The following SHROOM4 variants were observed in gnomAD, a reference collection of about 807,000 sequenced individuals.
The protein encoded by SHROOM4 is protein Shroom4.
Under a neutral mutation model 80.3 loss-of-function variants are expected in SHROOM4, and 17 were observed. The observed-to-expected ratio is 0.21, with a 90% CI of 0.14 to 0.32. SHROOM4 has a LOEUF of 0.32. Ranked by LOEUF, SHROOM4 falls within the 10% of genes least tolerant of loss-of-function variation. SHROOM4 has a pLI of 1.00. For missense variants in SHROOM4, 993 were observed against 1,140.3 expected, an observed-to-expected ratio of 0.87 and a Z score of 1.86; for synonymous variants, 400 against 437.5, an observed-to-expected ratio of 0.91 and a Z score of 1.07.
intron 2 of SHROOM4, among the ~76,000 whole-genome samples, chrX:50,682,452 C>A (rs782645404): frequency 1.3e-4 from 14 of 111,526 alleles, no homozygotes; most frequent in Admixed American, 4.8e-4. Flanking sequence ...GAGCATGTAA[C>A]CCTGCTAAGC....
At chrX:50,632,457 G>T (rs1557254295) in intron 4 of SHROOM4, among the ~76,000 whole-genome samples, 1 of 111,970 alleles carries the variant, frequency 8.9e-6, no homozygotes, top group African/African-American at 3.2e-5. Flanking sequence ...GACCTAGGGA[G>T]TCCTCCCAGA....
At chrX:50,686,080 T>G (rs1335213612) in intron 2 of SHROOM4, among the ~76,000 whole-genome samples, 2 of 110,912 alleles carry the variant, frequency 1.8e-5, no homozygotes, top group African/African-American at 6.6e-5. Flanking sequence ...CAGGCTGGAG[T>G]GCAGTGGCGT....
At position 50,789,823 on chromosome X, in the gene SHROOM4, C is replaced by T. The variant is rs139757281; in HGVS notation, c.117+24079G>A. ...AGAGAAGACATTACAACTGATACCA[C>T]AATTACAATCATGCATCACCTAACG... On this transcript the variant is annotated intron_variant, in intron 1 of 8. Coordinates refer to ENST00000376020, the MANE Select transcript of SHROOM4 (RefSeq NM_020717.5). Among the ~76,000 whole-genome samples, 460 of 112,096 alleles carry T rather than the reference C, an allele frequency of 4.1e-3. 3 individuals are homozygous for T. Among genetic ancestry groups the T allele is most frequent in the African/African-American group, 0.014 (425 of 30,954 alleles).
chrX:50,606,760 G>T (rs782593466), intron 6 of SHROOM4, among the ~76,000 whole-genome samples: 4 of 110,476 alleles, frequency 3.6e-5, no homozygotes, highest in Non-Finnish European at 7.6e-5. Flanking sequence ...TGAATGCAAA[G>T]AGGCAGGTAA....
chrX:50,594,393 C>T lies in SHROOM4; in HGVS notation c.*2302G>A, dbSNP rs782774852. On this transcript the variant is annotated 3_prime_UTR_variant, in exon 9 of 9. Transcript: ENST00000376020. Reference sequence around the variant, plus strand: ...TTCCCTCCATGTGAAAATGAGCATCCTTGTGTTCTGATTCTAACTCTAGAA... The same window carrying T: ...TTCCCTCCATGTGAAAATGAGCATCTTTGTGTTCTGATTCTAACTCTAGAA... The T allele has an allele frequency of 2.7e-5, 3 of 112,104 alleles. No homozygotes were observed. Among genetic ancestry groups the T allele is most frequent in the Non-Finnish European group, 5.6e-5 (3 of 53,250 alleles). The allele number at this position is 112,104 out of a possible 1,213,427, so 9.2% of individuals were successfully genotyped here.
At chrX:50,701,365 T>C (rs1933512532) in intron 1 of SHROOM4, among the ~76,000 whole-genome samples, 1 of 111,750 alleles carries the variant, frequency 8.9e-6, no homozygotes, top group African/African-American at 3.3e-5. Context: ...ATAAGTCTGG[T>C]AAGGGGAGAC....
chrX:50,732,036 C>G (rs983266729), intron 1 of SHROOM4, among the ~76,000 whole-genome samples: 17 of 111,765 alleles, frequency 1.5e-4, no homozygotes, highest in African/African-American at 5.2e-4. Context: ...AAACTATTTC[C>G]TGAAAAGAGC....
chrX:50,599,882 T>A (rs1221601070), intron 7 of SHROOM4, among the ~76,000 whole-genome samples: 1 of 111,823 alleles, frequency 8.9e-6, no homozygotes, highest in Non-Finnish European at 1.9e-5. Context: ...CACTTTCTAT[T>A]CCTTGTGTGT....
rs1464823292 is a variant in SHROOM4, at chrX:50,594,454, G to C, written c.*2241C>G. 1 of 112,192 alleles carries C rather than the reference G, an allele frequency of 8.9e-6. No homozygotes were observed. Among genetic ancestry groups the C allele is most frequent in the African/African-American group, 3.2e-5 (1 of 30,855 alleles). The allele number at this position is 112,192 out of a possible 1,213,427, so 9.2% of individuals were successfully genotyped here. On this transcript the variant is annotated 3_prime_UTR_variant, in exon 9 of 9. Transcript: ENST00000376020. ...GATGGGATTAAGAACAAAAATAACA[G>C]AGTTAATAGTATTTTTGGTGTCATA...
At chrX:50,757,738 G>T (rs1318955532) in intron 1 of SHROOM4, among the ~76,000 whole-genome samples, 1 of 109,122 alleles carries the variant, frequency 9.2e-6, no homozygotes, top group African/African-American at 3.4e-5. Flanking sequence ...CAAGAGAATC[G>T]CTTGAACCCG....
intron 1 of SHROOM4, among the ~76,000 whole-genome samples, chrX:50,762,506 A>C (rs1351660283): frequency 8.9e-6 from 1 of 112,215 alleles, no homozygotes; most frequent in African/African-American, 3.2e-5. Context: ...TTTCATGTGG[A>C]TATGAATTAC....
intron 1 of SHROOM4, among the ~76,000 whole-genome samples, chrX:50,801,148 A>C (rs1328828568): frequency 6.5e-5 from 7 of 107,898 alleles, no homozygotes; most frequent in African/African-American, 1.0e-4. Context: ...GCTGCAACAG[A>C]ATCAGTTGGC....
At chrX:50,576,621 TTG>T in the SHROOM4 span, among the ~76,000 whole-genome samples, 2 of 110,292 alleles carry the variant, frequency 1.8e-5, no homozygotes, top group African/African-American at 3.3e-5. Context: ...GTGTGTGTGT[TTG>T]TGTGTGTGTG....
chrX:50,684,880 C>T (rs935867104), intron 2 of SHROOM4, among the ~76,000 whole-genome samples: 7 of 111,815 alleles, frequency 6.3e-5, no homozygotes, highest in African/African-American at 9.8e-5. Context: ...AAAAAAGTCA[C>T]GTAGATTCAT....
At chrX:50,799,565 T>C (rs1442979762) in intron 1 of SHROOM4, among the ~76,000 whole-genome samples, 1 of 111,657 alleles carries the variant, frequency 9.0e-6, no homozygotes, top group Non-Finnish European at 1.9e-5. Context: ...ATAGGGAGAA[T>C]AGCAATATCA....
chrX:50,672,766 C>CAA (rs1932810776), intron 2 of SHROOM4, among the ~76,000 whole-genome samples: 1 of 111,412 alleles, frequency 9.0e-6, no homozygotes, highest in African/African-American at 3.3e-5. Flanking sequence ...TAAAGACAAA[C>CAA]AAAAAAATCT....
At chrX:50,576,801 A>G in the SHROOM4 span, among the ~76,000 whole-genome samples, 2 of 111,830 alleles carry the variant, frequency 1.8e-5, no homozygotes, top group Non-Finnish European at 3.8e-5. Context: ...ATAACTTATC[A>G]ATGTCTACAG....
chrX:50,719,622 G>A (rs1251032329), intron 1 of SHROOM4, among the ~76,000 whole-genome samples: 6 of 111,833 alleles, frequency 5.4e-5, no homozygotes, highest in African/African-American at 1.3e-4. Flanking sequence ...TCTTCTCCCC[G>A]CCTAGCACAA....
intron 1 of SHROOM4, among the ~76,000 whole-genome samples, chrX:50,731,633 C>T (rs1244476086): frequency 9.0e-6 from 1 of 111,544 alleles, no homozygotes; most frequent in East Asian, 2.8e-4. Context: ...ACCAAGAGGA[C>T]CTCAGGCTAG....
Sources: gnomAD v4.1 joint callset for allele counts (sites outside exome capture counted in the v4.1 genomes callset) on GRCh38, gnomAD v4.1.1 for gene constraint, MANE v1.5 for transcripts, NCBI Gene and HGNC (gene_info 2026-07-23, HGNC 2026-07-21) for gene names.